Variants in KHDRBS2 observed in about 807,000 individuals in gnomAD.
The protein encoded by KHDRBS2 is KH RNA binding domain containing, signal transduction associated 2.
Under a neutral mutation model 44.3 loss-of-function variants are expected in KHDRBS2, and 26 were observed. The ratio of observed to expected loss-of-function variants is 0.59; its 90% confidence interval spans 0.43 to 0.81. KHDRBS2 has a LOEUF of 0.81. Ranked by LOEUF, KHDRBS2 falls within the 40% of genes least tolerant of loss-of-function variation. KHDRBS2 has a pLI of 0.00. For missense variants in KHDRBS2, 476 were observed against 433.1 expected, an observed-to-expected ratio of 1.10 and a Z score of -0.88; for synonymous variants, 194 against 151.1, an observed-to-expected ratio of 1.28 and a Z score of -2.08.
chr6:62,267,079 GT>G (rs1197764158), intron 1 of KHDRBS2, among the ~76,000 whole-genome samples: 1 of 151,972 alleles, frequency 6.6e-6, no homozygotes. Context: ...AGAGATTGCT[GT>G]TATCCTATGA....
intron 1 of KHDRBS2, among the ~76,000 whole-genome samples, chr6:62,269,313 A>T (rs550096155): frequency 1.3e-5 from 2 of 152,194 alleles, no homozygotes; most frequent in African/African-American, 4.8e-5. Flanking sequence ...GCCACATATT[A>T]GGGAAAAATA....
the KHDRBS2 span, among the ~76,000 whole-genome samples, chr6:61,639,916 T>G: frequency 2.0e-5 from 3 of 152,078 alleles, no homozygotes; most frequent in African/African-American, 4.8e-5. Flanking sequence ...ATAGATATAA[T>G]AACCAAATAA....
chr6:61,945,150 T>TATATATATATACAC (rs371595813), intron 4 of KHDRBS2, among the ~76,000 whole-genome samples: 17 of 86,984 alleles, frequency 2.0e-4, no homozygotes, highest in African/African-American at 3.0e-4. Context: ...TATATATATA[T>TATATATATATACAC]ACACACAGAC....
At chr6:61,871,493 A>G (rs896886577) in intron 6 of KHDRBS2, among the ~76,000 whole-genome samples, 12 of 152,208 alleles carry the variant, frequency 7.9e-5, no homozygotes, top group Non-Finnish European at 4.4e-5. Context: ...ATTCAAATTC[A>G]GGAAATACAG....
chr6:61,620,914 A>T, the KHDRBS2 span, among the ~76,000 whole-genome samples: 1 of 152,134 alleles, frequency 6.6e-6, no homozygotes, highest in African/African-American at 2.4e-5. Flanking sequence ...TATATGTTAG[A>T]TCTGCATTGC....
At chr6:61,755,131 A>G (rs1173368438) in intron 6 of KHDRBS2, among the ~76,000 whole-genome samples, 2 of 152,168 alleles carry the variant, frequency 1.3e-5, no homozygotes, top group Non-Finnish European at 2.9e-5. Flanking sequence ...GTTATCCTCC[A>G]TGCAGGATAT....
At chr6:61,809,099 TA>T (rs1219397042) in intron 6 of KHDRBS2, among the ~76,000 whole-genome samples, 1 of 151,580 alleles carries the variant, frequency 6.6e-6, no homozygotes. Context: ...AAAAAGAAGG[TA>T]AACTGTCATG....
intron 6 of KHDRBS2, among the ~76,000 whole-genome samples, chr6:61,773,157 G>C (rs1444960118): frequency 6.6e-6 from 1 of 151,724 alleles, no homozygotes; most frequent in African/African-American, 2.4e-5. Flanking sequence ...TATATACCCA[G>C]TAATGGGATG....
chr6:62,090,936 G>A (rs1320648988), intron 2 of KHDRBS2, among the ~76,000 whole-genome samples: 1 of 152,160 alleles, frequency 6.6e-6, no homozygotes, highest in Non-Finnish European at 1.5e-5. Flanking sequence ...ACTCAGCAGG[G>A]TTAGAATGGC....
rs537403889 is a variant in KHDRBS2, at chr6:61,813,021, G to T, written c.811-80257C>A. ...TAACATAGTTTGCAACAAATAAAAA[G>T]ATTTTGCTTCTACCATTATATGTAA... is the stretch of plus-strand genomic sequence containing the variant. On this transcript the variant is annotated intron_variant, in intron 6 of 8. Transcript: ENST00000281156. Among the ~76,000 whole-genome samples, 7 of 152,140 alleles carry T rather than the reference G, an allele frequency of 4.6e-5. No individual in the cohort carries two copies. The South Asian group carries it at 1.0e-3, about 22-fold the overall frequency.
the KHDRBS2 span, among the ~76,000 whole-genome samples, chr6:61,597,729 CTT>C: frequency 9.5e-4 from 34 of 35,810 alleles, no homozygotes; most frequent in East Asian, 2.2e-3. Context: ...AATTTTGCAC[CTT>C]TTATATATAT....
chr6:61,730,205 G>A (rs1421038606), intron 7 of KHDRBS2, among the ~76,000 whole-genome samples: 1 of 152,056 alleles, frequency 6.6e-6, no homozygotes, highest in Non-Finnish European at 1.5e-5. Flanking sequence ...GACCAAAATA[G>A]GCATTTTATC....
chr6:61,620,261 T>C, the KHDRBS2 span, among the ~76,000 whole-genome samples: 1 of 152,196 alleles, frequency 6.6e-6, no homozygotes, highest in African/African-American at 2.4e-5. Context: ...AAAAAATTCT[T>C]AATCTACCAG....
intron 3 of KHDRBS2, among the ~76,000 whole-genome samples, chr6:62,027,890 G>C (rs1783657490): frequency 6.6e-6 from 1 of 152,036 alleles, no homozygotes. Flanking sequence ...CAATAATCTA[G>C]TTAAGTAAAT....
rs1239926305 is a variant in KHDRBS2, at chr6:62,071,774, T to C, written c.220-23780A>G. On this transcript the variant is annotated intron_variant, in intron 2 of 8. Transcript: ENST00000281156. ...TAGTATAGTTTGAAGTCAGGTAGCG[T>C]GATGCCTCCAGCTTTGTTCTTTCGG... 2.6e-5 allele frequency among the ~76,000 whole-genome samples: 4 copies of C among 152,206 alleles called. No homozygotes were observed. The East Asian group carries it at 7.7e-4, about 29-fold the overall frequency.
chr6:62,238,705 CACACACACACACACACACATAT>C (rs923378186), intron 1 of KHDRBS2, among the ~76,000 whole-genome samples: 8 of 151,896 alleles, frequency 5.3e-5, no homozygotes, highest in Non-Finnish European at 1.2e-4. Flanking sequence ...CACACACACA[CACACACACACACACACACATAT>C]ATTTGAGTAC....
At position 61,882,877 on chromosome 6, in the gene KHDRBS2, T is replaced by A. The variant is rs555793649; in HGVS notation, c.810+11758A>T. On this transcript the variant is annotated intron_variant, in intron 6 of 8. Coordinates refer to ENST00000281156, the MANE Select transcript of KHDRBS2 (RefSeq NM_152688.4). ...ACTAAGCAGGCAATTTGTATTTACA[T>A]TTTCCTTGCCAGAAAATTATAAGGG... Among the ~76,000 whole-genome samples the A allele has an allele frequency of 3.3e-5, 5 of 152,138 alleles. No homozygotes were observed. The South Asian group carries it at 1.0e-3, about 32-fold the overall frequency.
At chr6:61,697,410 A>G (rs577494580) in intron 7 of KHDRBS2, among the ~76,000 whole-genome samples, 157 bp from the exon 8 acceptor site, 4 of 152,276 alleles carry the variant, frequency 2.6e-5, no homozygotes, top group Admixed American at 6.5e-5. Flanking sequence ...TAAGAAAAAC[A>G]CAGGTTATTG....
chr6:61,854,836 GA>G (rs1265972712), intron 6 of KHDRBS2, among the ~76,000 whole-genome samples: 1 of 152,144 alleles, frequency 6.6e-6, no homozygotes, highest in East Asian at 1.9e-4. Context: ...TTATCTTAGA[GA>G]AAGTTGAATG....
Sources: gnomAD v4.1 joint callset for allele counts (sites outside exome capture counted in the v4.1 genomes callset) on GRCh38, gnomAD v4.1.1 for gene constraint, MANE v1.5 for transcripts, NCBI Gene and HGNC (gene_info 2026-07-23, HGNC 2026-07-21) for gene names.